Variants in HMCN1 observed in about 807,000 individuals in gnomAD.
HMCN1 encodes hemicentin-1.
HMCN1 carries 321 observed loss-of-function variants against 625.9 expected under a neutral mutation model. The ratio of observed to expected loss-of-function variants is 0.51; its 90% confidence interval spans 0.47 to 0.56. HMCN1 has a LOEUF of 0.56. HMCN1 is among the 20% of genes least tolerant of loss of function. The pLI is 0.00. For synonymous variants in HMCN1, 2,425 were observed against 2,417.6 expected, an observed-to-expected ratio of 1.00 and a Z score of -0.09; for missense variants, 6,588 against 6,887.3, an observed-to-expected ratio of 0.96 and a Z score of 1.54.
chr1:185,775,510 A>G (rs903644741), intron 1 of HMCN1, among the ~76,000 whole-genome samples: 1 of 152,204 alleles, frequency 6.6e-6, no homozygotes, highest in Non-Finnish European at 1.5e-5. Flanking sequence ...TTTTCTATCT[A>G]TCATATTATG....
intron 4 of HMCN1, among the ~76,000 whole-genome samples, chr1:185,894,708 A>G (rs1012912407): frequency 7.2e-5 from 11 of 152,054 alleles, no homozygotes; most frequent in Non-Finnish European, 1.3e-4. Context: ...TCGTATGATT[A>G]TTTTATTTAT....
chr1:186,118,289 G>A (rs1661231183), intron 77 of HMCN1, among the ~76,000 whole-genome samples: 2 of 152,252 alleles, frequency 1.3e-5, no homozygotes, highest in Non-Finnish European at 2.9e-5. Flanking sequence ...TTAAGAGTAT[G>A]TGCATATTAT....
rs1449945653 is a variant in HMCN1 at position 186,108,693 on chromosome 1, A to C, written c.10989+96A>C. 6 of 1,308,440 alleles carry C rather than the reference A, an allele frequency of 4.6e-6. No homozygotes were observed. The Admixed American group carries it at 1.1e-4, about 25-fold the overall frequency. The allele number at this position is 1,308,440 out of a possible 1,614,324, so 81.1% of individuals were successfully genotyped here. A position where few individuals can be genotyped will look rare whatever the true frequency, so the allele number is the denominator to read the frequency against. ...TTTGCTGGGTACACAAAACCAACTA[A>C]CATCAGGCTACTAATTATTCAACAT... On this transcript the variant is annotated intron_variant, in intron 71 of 106. Transcript: ENST00000271588.
In HMCN1 at chr1:186,117,122, T is replaced by C. The variant is rs761847920; in HGVS notation, c.11683+7T>C. ...GTGGATCTCACTGTCCAAGGTAGAA[T>C]TGGCTTGGAACATGGATTGAAACAT... On this transcript the variant is annotated splice_region_variant and intron_variant, in intron 76 of 106. Transcript: ENST00000271588. 2.5e-6 allele frequency: 4 copies of C among 1,612,940 alleles called. No individual in the cohort carries two copies. The highest frequency in any genetic ancestry group is 2.2e-5 in the East Asian group (1 of 44,856).
At chr1:186,089,263 A>G (rs1183411883) in intron 63 of HMCN1, among the ~76,000 whole-genome samples, 5 of 152,036 alleles carry the variant, frequency 3.3e-5, no homozygotes, top group Non-Finnish European at 5.9e-5. Context: ...TAAGCATTGC[A>G]GGGACAACTT....
At chr1:186,010,059 C>A (rs6658592) in intron 30 of HMCN1, among the ~76,000 whole-genome samples, 1 of 151,848 alleles carries the variant, frequency 6.6e-6, no homozygotes, top group South Asian at 2.1e-4. Context: ...CTTGCTCGTC[C>A]GTCACCTCCT....
intron 1 of HMCN1, among the ~76,000 whole-genome samples, chr1:185,738,296 T>C (rs1653735789): frequency 6.6e-6 from 1 of 152,180 alleles, no homozygotes; most frequent in Admixed American, 6.5e-5. Context: ...CCCTTCAGCT[T>C]TCAGTCTCCT....
rs756684497 is a variant in HMCN1, at chr1:185,958,463, T to C, written c.1829-4055T>C. Among the ~76,000 whole-genome samples, 49 of 152,160 alleles carry C rather than the reference T, an allele frequency of 3.2e-4. 1 individual carries two copies. The highest frequency in any genetic ancestry group is 7.4e-5 in the Non-Finnish European group (5 of 68,020). ...TAAATGACGTATGTAAGTGTGAGGA[T>C]TGTGGTGATCAAATTTCATTTGTAA... On this transcript the variant is annotated intron_variant, in intron 11 of 106. Transcript: ENST00000271588.
rs1160600091 is a variant in HMCN1 at position 186,171,364 on chromosome 1, C to G, written c.15602C>G (p.Pro5201Arg). 1.2e-6 allele frequency: 2 copies of G among 1,613,228 alleles called. No individual in the cohort carries two copies. The highest frequency in any genetic ancestry group is 1.3e-5 in the African/African-American group (1 of 74,860). The part of the protein sequence containing the change: ...QDINECQESS[P>R]CHQRCFNAIG... ...ATTAATGAATGTCAAGAATCCAGCC[C>G]CTGTCACCAGCGCTGTTTCAATGCC... Residue 5201 changes from proline (P) to arginine (R), a missense_variant, in exon 101 of 107, where the codon CCC becomes CGC. Physicochemically the swap from Pro to Arg is moderately radical, Grantham distance 103. Transcript: ENST00000271588.
rs200214568 is a variant in HMCN1 at position 185,989,547 on chromosome 1, G to C, written c.3108G>C (p.Leu1036=). 8 of 1,614,060 alleles carry C rather than the reference G, an allele frequency of 5.0e-6. No individual in the cohort carries two copies. In the African/African-American group the frequency reaches 8.0e-5, roughly 16 times the overall value. The change falls in exon 21 of 107, where the codon CTG becomes CTC. Residue 1036 remains leucine, a synonymous_variant. Transcript: ENST00000271588. ...AKFSAGADGS[L]YVVSPGGEES... is the part of the protein sequence containing the mutation. Reference sequence around the variant, plus strand: ...TTTCAGCAGGAGCTGATGGTAGTCTGTATGTGGTATCACCTGGAGGAGAGG... The same window carrying C: ...TTTCAGCAGGAGCTGATGGTAGTCTCTATGTGGTATCACCTGGAGGAGAGG...
chr1:185,931,585 G>A (rs1258694774), intron 10 of HMCN1, among the ~76,000 whole-genome samples: 3 of 152,076 alleles, frequency 2.0e-5, no homozygotes, highest in Non-Finnish European at 1.5e-5. Context: ...AATCTGGGGT[G>A]GAGTTTGCAT....
At chr1:186,038,703 T>C (rs1317093696) in intron 37 of HMCN1, 126 bp from the exon 38 acceptor site, 2 of 680,522 alleles carry the variant, frequency 2.9e-6, no homozygotes, top group Admixed American at 4.6e-5. Flanking sequence ...GAGATGATTA[T>C]GTAAACAGAT....
At chr1:185,962,728 T>G (rs1182670723) in intron 12 of HMCN1, 69 bp downstream of exon 12, 1 of 876,974 alleles carries the variant, frequency 1.1e-6, no homozygotes, top group African/African-American at 1.6e-5. Context: ...TGGACCAAAC[T>G]AATATGACCA....
chr1:185,998,200 G>T (rs1652936709), intron 25 of HMCN1, among the ~76,000 whole-genome samples: 1 of 152,072 alleles, frequency 6.6e-6, no homozygotes, highest in Non-Finnish European at 1.5e-5. Context: ...TTTAAAGCAG[G>T]TTTGTATGAG....
intron 84 of HMCN1, 146 bp from the exon 85 acceptor site, chr1:186,130,361 T>G: frequency 1.1e-6 from 1 of 895,894 alleles, no homozygotes; most frequent in East Asian, 2.6e-5. Flanking sequence ...TGATTTAGCA[T>G]GAAGAGTTGA....
intron 1 of HMCN1, among the ~76,000 whole-genome samples, chr1:185,780,414 C>G (rs1334333571): frequency 2.0e-5 from 3 of 152,192 alleles, no homozygotes; most frequent in African/African-American, 7.2e-5. Context: ...GAGGGCATCC[C>G]TGTCTTGTGC....
At position 185,932,837 on chromosome 1, in the gene HMCN1, T is replaced by C. The variant is rs1667622342; in HGVS notation, c.1553-712T>C. Among the ~76,000 whole-genome samples, 12 of 152,192 alleles carry C rather than the reference T, an allele frequency of 7.9e-5. No homozygotes were observed. The South Asian group carries it at 2.3e-3, about 29-fold the overall frequency. On this transcript the variant is annotated intron_variant, in intron 10 of 106. Coordinates refer to ENST00000271588, the MANE Select transcript of HMCN1 (RefSeq NM_031935.3). Reference sequence around the variant, plus strand: ...CGTTCTGCACAGGTACCCCAGAATTTAAAGTAAAATAATAAAAAGAACCAA... The same window carrying C: ...CGTTCTGCACAGGTACCCCAGAATTCAAAGTAAAATAATAAAAAGAACCAA...
intron 4 of HMCN1, among the ~76,000 whole-genome samples, chr1:185,868,446 A>T (rs1313935243): frequency 6.6e-6 from 1 of 152,094 alleles, no homozygotes; most frequent in Non-Finnish European, 1.5e-5. Flanking sequence ...TTATGGGGGC[A>T]GTTCCCCCAT....
chr1:186,177,821 G>T (rs1192032316), intron 103 of HMCN1, among the ~76,000 whole-genome samples: 9 of 151,804 alleles, frequency 5.9e-5, no homozygotes, highest in Non-Finnish European at 1.2e-4. Flanking sequence ...ACTATCTTGA[G>T]ACTTTTTTAT....
Sources: allele counts gnomAD v4.1 joint callset (sites outside exome capture counted in the v4.1 genomes callset), GRCh38; gene constraint gnomAD v4.1.1; transcripts MANE v1.5; gene names NCBI Gene and HGNC (gene_info 2026-07-23, HGNC 2026-07-21).